NFX1: variants seen among roughly 807,000 people sequenced by gnomAD.
The protein encoded by NFX1 is nuclear transcription factor, X-box binding 1, also known as transcriptional repressor NF-X1.
In NFX1, 69 loss-of-function variants were observed where a neutral mutation model predicts 137.2. The ratio of observed to expected loss-of-function variants is 0.50; its 90% CI spans 0.41 to 0.61. The LOEUF (loss-of-function observed/expected upper bound fraction) is 0.61. Among genes scored for constraint, NFX1 ranks in the 20% least tolerant of loss-of-function variants. The pLI is 0.00. For synonymous variants in NFX1, 495 were observed against 474.1 expected (o/e 1.04, Z -0.57); for missense variants, 1,167 against 1,391.0 (o/e 0.84, Z 2.56).
At chr9:33,344,270 C>A in intron 14 of NFX1, 82 bp downstream of exon 14, 1 of 1,569,086 alleles carries the variant, frequency 6.4e-7, no homozygotes, top group Admixed American at 1.7e-5. Flanking sequence ...CTTCACTGCT[C>A]TAGAGTCATG....
At chr9:33,341,537 A>C (rs1301783635) in intron 12 of NFX1, among the ~76,000 whole-genome samples, 1 of 152,238 alleles carries the variant, frequency 6.6e-6, no homozygotes, top group Non-Finnish European at 1.5e-5. Flanking sequence ...TATATAGCAT[A>C]CATAATTATT....
chr9:33,328,002 T>A (rs1587845503), intron 9 of NFX1, among the ~76,000 whole-genome samples: 1 of 151,968 alleles, frequency 6.6e-6, no homozygotes, highest in East Asian at 1.9e-4. Flanking sequence ...AAAAGAAGAT[T>A]TATTCTGTGT....
chr9:33,290,763 C>T (rs1381282432), intron 1 of NFX1, among the ~76,000 whole-genome samples, 166 bp downstream of exon 1: 1 of 152,244 alleles, frequency 6.6e-6, no homozygotes, highest in Non-Finnish European at 1.5e-5. Flanking sequence ...GTACGAAGAT[C>T]TGTGTCTTCT....
chr9:33,297,779 T>C (rs915213553), intron 2 of NFX1, among the ~76,000 whole-genome samples: 1 of 152,218 alleles, frequency 6.6e-6, no homozygotes, highest in African/African-American at 2.4e-5. Context: ...CTTTGAGGCC[T>C]GCGGGAAAGC....
intron 19 of NFX1, among the ~76,000 whole-genome samples, chr9:33,357,892 C>T (rs549691247): frequency 6.6e-6 from 1 of 152,090 alleles, no homozygotes; most frequent in African/African-American, 2.4e-5. Context: ...AATATATACC[C>T]AAGAAACCTG....
rs2230122 is a variant in NFX1 at position 33,369,945 on chromosome 9, G to A, written c.3330G>A (p.Glu1110=). The A allele has an allele frequency of 0.079, 127,730 of 1,610,598 alleles. 5,817 individuals are homozygous for A. Among genetic ancestry groups the A allele is most frequent in the Non-Finnish European group, 0.089 (105,329 of 1,176,912 alleles). The change falls in exon 24 of 24, where the codon GAG becomes GAA. Residue 1110 remains glutamate (E), a synonymous_variant. Coordinates refer to ENST00000379540, the MANE Select transcript of NFX1 (RefSeq NM_002504.6). The part of the protein sequence containing the change: ...GSSNLQKITK[E]PIIDYFDVQD ...GTAATTTACAGAAAATAACCAAGGA[G>A]CCAATAATTGACTATTTTGACGTCC...
chr9:33,324,005 A>G (rs895636058), intron 9 of NFX1, among the ~76,000 whole-genome samples: 5 of 152,128 alleles, frequency 3.3e-5, no homozygotes, highest in African/African-American at 4.8e-5. Context: ...GCTTTGAGAG[A>G]TGGAGGCAGG....
In NFX1 at chr9:33,356,730, G is replaced by A. The variant is rs142587929; in HGVS notation, c.2873+1838G>A. On this transcript the variant is annotated intron_variant, in intron 19 of 23. Transcript: ENST00000379540. The stretch of plus-strand genomic sequence containing the variant: ...TTTTCCACGTGAATATCCATTTGAC[G>A]AGTACCAAGATTGTCCTTTTCCCAG... 7.0e-4 allele frequency among the ~76,000 whole-genome samples: 106 copies of A among 152,028 alleles called. 1 individual carries two copies. The highest frequency in any genetic ancestry group is 1.4e-3 in the Non-Finnish European group (96 of 67,980).
intron 11 of NFX1, chr9:33,332,788 G>C (rs768756671): frequency 3.1e-6 from 1 of 322,148 alleles, no homozygotes; most frequent in Non-Finnish European, 5.8e-6. Context: ...GAAAAAATAT[G>C]TTAATGGTAG....
chr9:33,300,461 A>G (rs1821516278), intron 2 of NFX1, among the ~76,000 whole-genome samples: 1 of 152,194 alleles, frequency 6.6e-6, no homozygotes, highest in African/African-American at 2.4e-5. Flanking sequence ...TTAGACCTGA[A>G]AGCAAATAAC....
At chr9:33,305,908 G>A (rs1291113692) in intron 4 of NFX1, among the ~76,000 whole-genome samples, 1 of 152,218 alleles carries the variant, frequency 6.6e-6, no homozygotes, top group African/African-American at 2.4e-5. Context: ...ACAGCTGAGA[G>A]GAGTAGTTAA....
intron 19 of NFX1, 137 bp downstream of exon 19, chr9:33,355,029 C>A: frequency 1.3e-6 from 1 of 771,150 alleles, no homozygotes; most frequent in South Asian, 1.9e-5. Flanking sequence ...AAGAGAAATG[C>A]CGTTACCAAG....
intron 19 of NFX1, among the ~76,000 whole-genome samples, chr9:33,361,435 G>T (rs140903869): frequency 1.3e-5 from 2 of 151,944 alleles, no homozygotes; most frequent in South Asian, 2.1e-4. Context: ...TCTTATTTTT[G>T]GGGGGGTGAG....
chr9:33,363,941 C>T (rs537298831), intron 19 of NFX1, 69 bp from the exon 20 acceptor site: 5 of 963,492 alleles, frequency 5.2e-6, no homozygotes, highest in Non-Finnish European at 7.6e-6. Flanking sequence ...ATATAGTAGG[C>T]ACTCGGGGTT....
At chr9:33,308,905 G>T (rs755841040) in intron 5 of NFX1, among the ~76,000 whole-genome samples, 1 of 152,116 alleles carries the variant, frequency 6.6e-6, no homozygotes, top group Non-Finnish European at 1.5e-5. Flanking sequence ...AAATGTCAGT[G>T]GGGGTAGAGC....
chr9:33,306,333 C>G (rs987472413), intron 4 of NFX1, among the ~76,000 whole-genome samples: 1 of 152,190 alleles, frequency 6.6e-6, no homozygotes, highest in Admixed American at 6.5e-5. Flanking sequence ...AAGATGTGAA[C>G]TTTGACTGTG....
chr9:33,344,514 A>G (rs1823341390), intron 14 of NFX1, among the ~76,000 whole-genome samples: 1 of 152,240 alleles, frequency 6.6e-6, no homozygotes, highest in South Asian at 2.1e-4. Flanking sequence ...TTACAAAATT[A>G]AAAGTGACTT....
intron 23 of NFX1, among the ~76,000 whole-genome samples, chr9:33,368,412 G>A (rs1156620234): frequency 6.6e-6 from 1 of 152,152 alleles, no homozygotes; most frequent in East Asian, 1.9e-4. Context: ...GTTGGCAAGG[G>A]GCAAGTCTGC....
chr9:33,310,813 G>C (rs1348912718), intron 5 of NFX1, among the ~76,000 whole-genome samples: 3 of 152,196 alleles, frequency 2.0e-5, no homozygotes, highest in East Asian at 3.8e-4. Flanking sequence ...AGTGGGCCAA[G>C]ACTGTATTTG....
Sources: gnomAD v4.1 joint callset for allele counts (sites outside exome capture counted in the v4.1 genomes callset) on GRCh38, gnomAD v4.1.1 for gene constraint, MANE v1.5 for transcripts, NCBI Gene and HGNC (gene_info 2026-07-23, HGNC 2026-07-21) for gene names.